Variants in MECOM observed in about 807,000 individuals in gnomAD.
MECOM encodes histone-lysine N-methyltransferase MECOM.
Under a neutral mutation model 116.3 loss-of-function variants are expected in MECOM, and 13 were observed. The observed-to-expected ratio is 0.11, with a 90% CI of 0.07 to 0.18. MECOM has a LOEUF of 0.18. MECOM is among the 10% of genes least tolerant of loss of function. The pLI is 1.00. For missense variants in MECOM, 1,299 were observed against 1,509.0 expected (o/e 0.86, Z 2.31); for synonymous variants, 528 against 535.2 (o/e 0.99, Z 0.19).
At chr3:169,610,899 A>G (rs1383080501) in intron 1 of MECOM, among the ~76,000 whole-genome samples, 1 of 152,214 alleles carries the variant, frequency 6.6e-6, no homozygotes, top group African/African-American at 2.4e-5. Flanking sequence ...GAATGAATGG[A>G]TGACTGAGTC....
chr3:169,581,152 T>C (rs1765075160), intron 1 of MECOM, among the ~76,000 whole-genome samples: 1 of 152,206 alleles, frequency 6.6e-6, no homozygotes, highest in African/African-American at 2.4e-5. Context: ...AGAAAAGCAG[T>C]AATGATTCAA....
chr3:169,131,574 A>G, intron 3 of MECOM, 43 bp from the exon 4 acceptor site: 11 of 1,477,464 alleles, frequency 7.4e-6, no homozygotes, highest in East Asian at 2.4e-5. Context: ...GGAAAGAGAG[A>G]GATGTATATA....
At chr3:169,179,618 C>T (rs879590798) in intron 2 of MECOM, among the ~76,000 whole-genome samples, 80 of 152,100 alleles carry the variant, frequency 5.3e-4, no homozygotes, top group Admixed American at 2.0e-4. Context: ...CAATATCATG[C>T]CACTAAAAGT....
At chr3:169,383,510 A>C (rs1732816003) in intron 1 of MECOM, among the ~76,000 whole-genome samples, 1 of 152,186 alleles carries the variant, frequency 6.6e-6, no homozygotes, top group Admixed American at 6.5e-5. Context: ...TCAGTCACTA[A>C]ATGCTATTTG....
Position 169,528,139 on chromosome 3 carries a change from C to T in MECOM, c.37+135197G>A, listed in dbSNP as rs147473358. On this transcript the variant is annotated intron_variant, in intron 1 of 16. Transcript: ENST00000651503. ...ACCCCTTCAGACATGACCCATAAAA[C>T]GGAAATAATGAAATGTTCACCATTT... 3.9e-4 allele frequency among the ~76,000 whole-genome samples: 59 copies of T among 152,322 alleles called. No individual in the cohort carries two copies. The Middle Eastern group carries it at 0.014, about 35-fold the overall frequency.
chr3:169,088,906 T>G, intron 16 of MECOM, 94 bp downstream of exon 16: 1 of 1,142,662 alleles, frequency 8.8e-7, no homozygotes, highest in Non-Finnish European at 1.2e-6. Context: ...TCTAAAATAT[T>G]TCAAAGATAG....
chr3:169,117,592 G>A (rs993652549), intron 7 of MECOM, among the ~76,000 whole-genome samples: 7 of 152,192 alleles, frequency 4.6e-5, no homozygotes, highest in African/African-American at 1.7e-4. Context: ...GGTTATCTCA[G>A]GCTTGACTTC....
At chr3:169,112,362 C>T (rs767349501) in intron 9 of MECOM, among the ~76,000 whole-genome samples, 2 of 152,128 alleles carry the variant, frequency 1.3e-5, no homozygotes, top group African/African-American at 2.4e-5. Flanking sequence ...ATGGTAACAA[C>T]TTGTCAGGTA....
intron 1 of MECOM, among the ~76,000 whole-genome samples, chr3:169,561,440 G>C (rs1182986030): frequency 1.3e-5 from 2 of 152,112 alleles, no homozygotes; most frequent in Non-Finnish European, 1.5e-5. Flanking sequence ...GAACATCACA[G>C]ATAAATCACA....
intron 2 of MECOM, among the ~76,000 whole-genome samples, chr3:169,200,352 C>T (rs995484029): frequency 2.0e-5 from 3 of 152,070 alleles, no homozygotes; most frequent in Non-Finnish European, 4.4e-5. Flanking sequence ...TTCGTCTCTA[C>T]ATTCATGTGT....
At position 169,366,788 on chromosome 3, in the gene MECOM, A is replaced by C. The variant is rs149416522; in HGVS notation, c.375+14399T>G. On this transcript the variant is annotated intron_variant, in intron 2 of 16. Coordinates refer to ENST00000651503, the MANE Select transcript of MECOM (RefSeq NM_004991.4). ...GCCATGCACACCTGGGAAGCCTGTG[A>C]GGTCAGCTGCAGTGTCAGAGGAAAA... Among the ~76,000 whole-genome samples, 526 of 152,162 alleles carry C rather than the reference A, an allele frequency of 3.5e-3. 3 individuals carry two copies. The highest frequency in any genetic ancestry group is 0.012 in the African/African-American group (481 of 41,544).
chr3:169,490,037 G>A (rs922224600), intron 1 of MECOM, among the ~76,000 whole-genome samples: 8 of 152,094 alleles, frequency 5.3e-5, no homozygotes, highest in Non-Finnish European at 1.0e-4. Context: ...AAGAAAGCCT[G>A]TAAAGAATAT....
At chr3:169,364,511 A>T (rs1220130941) in intron 2 of MECOM, among the ~76,000 whole-genome samples, 3 of 152,052 alleles carry the variant, frequency 2.0e-5, no homozygotes, top group Non-Finnish European at 4.4e-5. Context: ...AAACATGCCC[A>T]AACAATCAGC....
chr3:169,506,596 C>T (rs1755250328), intron 1 of MECOM, among the ~76,000 whole-genome samples: 1 of 152,084 alleles, frequency 6.6e-6, no homozygotes, highest in Non-Finnish European at 1.5e-5. Context: ...CTTTAAAAAG[C>T]CTTAATGTTC....
At chr3:169,097,687 G>A (rs1300998095) in intron 12 of MECOM, among the ~76,000 whole-genome samples, 1 of 151,682 alleles carries the variant, frequency 6.6e-6, no homozygotes, top group African/African-American at 2.4e-5. Context: ...GGATTCTCCG[G>A]GACATGGTGG....
intron 2 of MECOM, among the ~76,000 whole-genome samples, chr3:169,290,902 A>T (rs1461187797): frequency 1.3e-5 from 2 of 152,120 alleles, no homozygotes; most frequent in African/African-American, 2.4e-5. Flanking sequence ...CTCATGAAAA[A>T]AATTGCAATT....
chr3:169,465,624 T>G (rs1468379225), intron 1 of MECOM, among the ~76,000 whole-genome samples: 2 of 152,200 alleles, frequency 1.3e-5, no homozygotes, highest in African/African-American at 2.4e-5. Flanking sequence ...CATCACTTCA[T>G]TTCACTTTGG....
chr3:169,349,718 G>T (rs1167936694), intron 2 of MECOM, among the ~76,000 whole-genome samples: 1 of 151,790 alleles, frequency 6.6e-6, no homozygotes, highest in African/African-American at 2.4e-5. Flanking sequence ...GTCAGGTGGG[G>T]CTTAATTGCA....
intron 1 of MECOM, among the ~76,000 whole-genome samples, chr3:169,654,966 A>T (rs1308543101): frequency 6.6e-6 from 1 of 152,230 alleles, no homozygotes; most frequent in Non-Finnish European, 1.5e-5. Context: ...GAATCTGGAC[A>T]TTGCAAACCC....
Sources: allele counts gnomAD v4.1 joint callset (sites outside exome capture counted in the v4.1 genomes callset), GRCh38; gene constraint gnomAD v4.1.1; transcripts MANE v1.5; gene names NCBI Gene and HGNC (gene_info 2026-07-23, HGNC 2026-07-21).